RALYL: variants seen among roughly 807,000 people sequenced by gnomAD.
The protein encoded by RALYL is RALY RNA binding protein like.
A neutral mutation model predicts 35.1 loss-of-function variants in RALYL; 29 were observed. The observed-to-expected ratio is 0.83, with a 90% CI of 0.61 to 1.13. The LOEUF is 1.13. RALYL is among the 50% of genes most tolerant of loss of function. The probability of loss-of-function intolerance (pLI) is 0.00; values close to 1 mark genes in which losing one functional copy is unlikely to be tolerated. For missense variants in RALYL, 359 were observed against 360.4 expected, an observed-to-expected ratio of 1.00 and a Z score of 0.03; for synonymous variants, 120 against 127.6, an observed-to-expected ratio of 0.94 and a Z score of 0.40.
chr8:84,802,859 A>G (rs998939908), intron 3 of RALYL, among the ~76,000 whole-genome samples: 3 of 152,178 alleles, frequency 2.0e-5, no homozygotes, highest in Non-Finnish European at 2.9e-5. Context: ...GAGACTAACT[A>G]GGCTGGGGTA....
chr8:84,527,968 A>G (rs1296066346), intron 1 of RALYL, among the ~76,000 whole-genome samples: 1 of 152,182 alleles, frequency 6.6e-6, no homozygotes, highest in Non-Finnish European at 1.5e-5. Context: ...GAAACATTTT[A>G]TGCTACTTGG....
At chr8:84,569,881 A>G (rs1241264929) in intron 2 of RALYL, among the ~76,000 whole-genome samples, 2 of 151,874 alleles carry the variant, frequency 1.3e-5, no homozygotes, top group African/African-American at 2.4e-5. Context: ...CCTATTGTCA[A>G]AAATCAATCA....
At chr8:84,575,659 C>CT (rs753813509) in intron 2 of RALYL, among the ~76,000 whole-genome samples, 3 of 152,134 alleles carry the variant, frequency 2.0e-5, no homozygotes, top group East Asian at 1.9e-4. Context: ...ACATCCTCTG[C>CT]TTTTTTATTA....
intron 2 of RALYL, among the ~76,000 whole-genome samples, chr8:84,540,094 G>A (rs185232207): frequency 7.9e-5 from 12 of 151,458 alleles, no homozygotes; most frequent in South Asian, 2.1e-4. Flanking sequence ...CTAAAATCAC[G>A]TATTAATTTT....
At chr8:84,524,846 A>C (rs919752966) in intron 1 of RALYL, among the ~76,000 whole-genome samples, 12 of 151,872 alleles carry the variant, frequency 7.9e-5, no homozygotes, top group African/African-American at 2.9e-4. Flanking sequence ...TGAACTTTTT[A>C]TTCTTCTGAA....
At chr8:84,833,610 C>G (rs1156731849) in intron 4 of RALYL, among the ~76,000 whole-genome samples, 1 of 149,504 alleles carries the variant, frequency 6.7e-6, no homozygotes, top group African/African-American at 2.5e-5. Flanking sequence ...TGCACTCACT[C>G]CAGCCTGGGT....
At chr8:84,799,587 T>C (rs74423827) in intron 3 of RALYL, among the ~76,000 whole-genome samples, 2,371 of 152,346 alleles carry the variant, frequency 0.016, 54 homozygotes, top group African/African-American at 0.052. Context: ...ATGAGAATGA[T>C]TCCAGTCTTT....
intron 2 of RALYL, among the ~76,000 whole-genome samples, chr8:84,597,198 C>T (rs1021975165): frequency 1.3e-5 from 2 of 152,056 alleles, no homozygotes; most frequent in Non-Finnish European, 2.9e-5. Flanking sequence ...TGGAATAAGT[C>T]CTTTATCACC....
chr8:84,481,178 T>C (rs1314684454), intron 1 of RALYL, among the ~76,000 whole-genome samples: 2 of 152,186 alleles, frequency 1.3e-5, no homozygotes, highest in East Asian at 3.8e-4. Flanking sequence ...TTAATGACTT[T>C]TATAAATTAC....
intron 3 of RALYL, among the ~76,000 whole-genome samples, chr8:84,780,718 A>T (rs896619101): frequency 6.6e-6 from 1 of 152,198 alleles, no homozygotes; most frequent in Admixed American, 6.5e-5. Context: ...AGGAAGATAT[A>T]AAATTTCCTA....
At chr8:84,312,041 T>C (rs546685211) in intron 1 of RALYL, among the ~76,000 whole-genome samples, 1 of 152,196 alleles carries the variant, frequency 6.6e-6, no homozygotes, top group Non-Finnish European at 1.5e-5. Flanking sequence ...CAATTCTGCA[T>C]GGCTGGGGGA....
chr8:84,849,940 T>C (rs1286969207), intron 4 of RALYL, 40 bp from the exon 5 acceptor site: 2 of 1,182,556 alleles, frequency 1.7e-6, no homozygotes, highest in African/African-American at 3.2e-5. Flanking sequence ...TTAATGTCAT[T>C]GAAACAAATG....
chr8:84,317,875 T>C (rs566345914), intron 1 of RALYL, among the ~76,000 whole-genome samples: 26 of 152,326 alleles, frequency 1.7e-4, no homozygotes, highest in Non-Finnish European at 3.4e-4. Context: ...TGCTTCTTTT[T>C]ATTCTCTCTT....
intron 2 of RALYL, among the ~76,000 whole-genome samples, chr8:84,719,129 C>T (rs1315857760): frequency 6.6e-6 from 1 of 152,090 alleles, no homozygotes; most frequent in South Asian, 2.1e-4. Context: ...TGTATGTATT[C>T]TGTATGTAAT....
chr8:84,640,152 G>A (rs1460092397), intron 2 of RALYL, among the ~76,000 whole-genome samples: 1 of 151,836 alleles, frequency 6.6e-6, no homozygotes, highest in African/African-American at 2.4e-5. Context: ...CAGAAACATA[G>A]GTCATTGTAA....
chr8:84,387,188 T>C (rs140279843), intron 1 of RALYL, among the ~76,000 whole-genome samples: 24 of 152,008 alleles, frequency 1.6e-4, no homozygotes, highest in Admixed American at 4.6e-4. Flanking sequence ...CAATAACTCA[T>C]ATTTATTAAA....
intron 1 of RALYL, among the ~76,000 whole-genome samples, chr8:84,326,934 G>A (rs1563738496): frequency 6.6e-6 from 1 of 151,726 alleles, no homozygotes; most frequent in African/African-American, 2.4e-5. Context: ...GAAGTTCTAT[G>A]AGGAAGGACT....
chr8:84,547,725 T>C (rs987320221), intron 2 of RALYL, among the ~76,000 whole-genome samples: 1 of 152,166 alleles, frequency 6.6e-6, no homozygotes, highest in Non-Finnish European at 1.5e-5. Context: ...TTGTCATTAA[T>C]TTATTGTATT....
intron 1 of RALYL, among the ~76,000 whole-genome samples, chr8:84,251,473 CTG>C (rs919972316): frequency 5.3e-5 from 8 of 152,072 alleles, no homozygotes; most frequent in South Asian, 2.1e-4. Context: ...GCAGTGCAAA[CTG>C]TTATTTTTTT....
Sources: allele counts gnomAD v4.1 joint callset (sites outside exome capture counted in the v4.1 genomes callset), GRCh38; gene constraint gnomAD v4.1.1; transcripts MANE v1.5; gene names NCBI Gene and HGNC (gene_info 2026-07-23, HGNC 2026-07-21).